GPATCH2: variants seen among roughly 807,000 people sequenced by gnomAD.
The protein encoded by GPATCH2 is G-patch domain containing 2, also known as G patch domain-containing protein 2.
In GPATCH2, 51 loss-of-function variants were observed where a neutral mutation model predicts 58.0. The observed-to-expected ratio is 0.88, with a 90% CI of 0.70 to 1.11. GPATCH2 has a LOEUF of 1.11. Ranked by LOEUF, GPATCH2 falls within the 50% of genes most tolerant of loss-of-function variation. The probability of loss-of-function intolerance (pLI) is 0.00; values close to 1 mark genes in which losing one functional copy is unlikely to be tolerated. For missense variants in GPATCH2, 625 were observed against 652.2 expected, an observed-to-expected ratio of 0.96 and a Z score of 0.45; for synonymous variants, 222 against 218.5, an observed-to-expected ratio of 1.02 and a Z score of -0.14.
intron 2 of GPATCH2, among the ~76,000 whole-genome samples, chr1:217,614,541 C>T (rs1668790542): frequency 6.6e-6 from 1 of 151,946 alleles, no homozygotes; most frequent in African/African-American, 2.4e-5. Flanking sequence ...CAGCTTGAGC[C>T]TGGAACACCA....
intron 5 of GPATCH2, among the ~76,000 whole-genome samples, chr1:217,522,651 T>C (rs1473287808): frequency 6.6e-6 from 1 of 152,200 alleles, no homozygotes; most frequent in African/African-American, 2.4e-5. Context: ...TAAGATGGTG[T>C]AAAAAACTTC....
At chr1:217,497,563 C>T (rs951656077) in intron 7 of GPATCH2, among the ~76,000 whole-genome samples, 1 of 152,086 alleles carries the variant, frequency 6.6e-6, no homozygotes, top group South Asian at 2.1e-4. Flanking sequence ...CCCAAGAAAT[C>T]AAACATTATA....
At position 217,431,326 on chromosome 1, in the gene GPATCH2, T is replaced by G; in HGVS notation, c.1406A>C (p.Asn469Thr). 6.2e-7 allele frequency: 1 copy of G among 1,608,700 alleles called. No individual in the cohort carries two copies. ...ATTCTGAAGCATTCGGTTTCCAATA[T>G]TATTTTCTAGGATTGGCTGGGCATT... Reference protein sequence around the residue: ...GENAQPILENNIGNRMLQNMG... With the variant: ...GENAQPILENTIGNRMLQNMG... The change falls in exon 10 of 10, where the codon AAT becomes ACT. Residue 469 changes from asparagine (N) to threonine (T), a missense_variant. Asn to Thr is a moderately conservative substitution (Grantham distance 65). Transcript: ENST00000366935.
rs1177781922 is a variant in GPATCH2, at chr1:217,431,304, C to G, written c.1428G>C (p.Gln476His). The change falls in exon 10 of 10, where the codon CAG becomes CAC. Residue 476 changes from glutamine (Q) to histidine (H), a missense_variant. Gln to His is a conservative substitution (Grantham distance 24). Coordinates refer to ENST00000366935, the MANE Select transcript of GPATCH2 (RefSeq NM_018040.5). ...CTGACCCAGGCGTCCAGCCCATATT[C>G]TGAAGCATTCGGTTTCCAATATTAT... ...LENNIGNRML[Q>H]NMGWTPGSGL... is the part of the protein sequence containing the mutation. 2 of 1,609,882 alleles carry G rather than the reference C, an allele frequency of 1.2e-6. No individual in the cohort carries two copies. Among genetic ancestry groups the G allele is most frequent in the Admixed American group, 3.3e-5 (2 of 60,010 alleles).
At chr1:217,566,176 C>T (rs1666226410) in intron 5 of GPATCH2, among the ~76,000 whole-genome samples, 1 of 150,586 alleles carries the variant, frequency 6.6e-6, no homozygotes, top group Non-Finnish European at 1.5e-5. Context: ...GCAATTTTTA[C>T]CACAGCATTC....
chr1:217,559,860 C>A (rs960266872), intron 5 of GPATCH2, among the ~76,000 whole-genome samples: 1 of 151,154 alleles, frequency 6.6e-6, no homozygotes, highest in Non-Finnish European at 1.5e-5. Flanking sequence ...TCAAGAGACA[C>A]AAAAATCCAG....
intron 5 of GPATCH2, among the ~76,000 whole-genome samples, chr1:217,518,466 G>T (rs1488759499): frequency 1.3e-5 from 2 of 152,022 alleles, no homozygotes; most frequent in Non-Finnish European, 2.9e-5. Context: ...TTATAATTTT[G>T]CTTAAAAGAT....
At chr1:217,630,731 T>A (rs1357464797) in intron 1 of GPATCH2, among the ~76,000 whole-genome samples, 185 bp downstream of exon 1, 1 of 152,200 alleles carries the variant, frequency 6.6e-6, no homozygotes, top group Admixed American at 6.5e-5. Flanking sequence ...CTTTCACAAA[T>A]CTTTGGCACA....
chr1:217,587,517 A>C (rs1667396702), intron 5 of GPATCH2, among the ~76,000 whole-genome samples: 1 of 152,218 alleles, frequency 6.6e-6, no homozygotes, highest in Non-Finnish European at 1.5e-5. Context: ...GAACCAATGA[A>C]AATTTTTGAG....
rs199645068 is a variant in GPATCH2, at chr1:217,491,664, A to G, written c.1277+16T>C. ...AAAGAAAATGAATGAATAAAAAGCG[A>G]TTTTGAATTGCTTACCTGCTGGCTG... On this transcript the variant is annotated intron_variant, in intron 8 of 9. Coordinates refer to ENST00000366935, the MANE Select transcript of GPATCH2 (RefSeq NM_018040.5). 74 of 1,307,412 alleles carry G rather than the reference A, an allele frequency of 5.7e-5. No homozygotes were observed. The East Asian group carries it at 1.8e-3, about 31-fold the overall frequency. 81.0% of individuals were successfully genotyped at this position (1,307,412 alleles called of 1,614,324 possible).
At chr1:217,580,967 C>A (rs1300617151) in intron 5 of GPATCH2, among the ~76,000 whole-genome samples, 1 of 39,724 alleles carries the variant, frequency 2.5e-5, no homozygotes, top group Admixed American at 3.5e-4. Context: ...CGAGATTGCG[C>A]CACTGCAGTC....
chr1:217,482,786 C>A (rs752396539), intron 8 of GPATCH2, among the ~76,000 whole-genome samples: 16 of 152,228 alleles, frequency 1.1e-4, no homozygotes, highest in African/African-American at 3.6e-4. Context: ...TTAAAGTATA[C>A]AATTTGATAA....
At chr1:217,437,121 T>C (rs1423174174) in intron 9 of GPATCH2, among the ~76,000 whole-genome samples, 3 of 152,068 alleles carry the variant, frequency 2.0e-5, no homozygotes, top group Non-Finnish European at 1.5e-5. Flanking sequence ...ACCCAGGAAG[T>C]GCAAGTGGTG....
chr1:217,565,602 T>C (rs1285808555), intron 5 of GPATCH2, among the ~76,000 whole-genome samples: 1 of 152,234 alleles, frequency 6.6e-6, no homozygotes, highest in East Asian at 1.9e-4. Context: ...TTTAACACTG[T>C]AAACTGGCAA....
At chr1:217,453,284 C>A (rs1156275058) in intron 8 of GPATCH2, among the ~76,000 whole-genome samples, 1 of 152,002 alleles carries the variant, frequency 6.6e-6, no homozygotes, top group African/African-American at 2.4e-5. Flanking sequence ...ATATTAAGAT[C>A]CTTTTGTAAG....
intron 8 of GPATCH2, among the ~76,000 whole-genome samples, chr1:217,464,170 G>A (rs1308206396): frequency 4.6e-5 from 7 of 152,196 alleles, no homozygotes; most frequent in Non-Finnish European, 8.8e-5. Flanking sequence ...AGTACTCTGC[G>A]AATATGGTGG....
At chr1:217,533,695 T>C (rs1256666781) in intron 5 of GPATCH2, among the ~76,000 whole-genome samples, 1 of 152,252 alleles carries the variant, frequency 6.6e-6, no homozygotes, top group Non-Finnish European at 1.5e-5. Context: ...ATGTTTTCTC[T>C]TGATATTTAC....
At chr1:217,500,749 T>C (rs1662256867) in intron 6 of GPATCH2, among the ~76,000 whole-genome samples, 1 of 152,052 alleles carries the variant, frequency 6.6e-6, no homozygotes. Context: ...AATTAGTTTT[T>C]GTTTTTTTTC....
chr1:217,565,548 C>T (rs1666181402), intron 5 of GPATCH2, among the ~76,000 whole-genome samples: 1 of 152,174 alleles, frequency 6.6e-6, no homozygotes, highest in East Asian at 1.9e-4. Flanking sequence ...GGAAAACATA[C>T]ATATGCATGC....
Sources: gnomAD v4.1 joint callset for allele counts (sites outside exome capture counted in the v4.1 genomes callset) on GRCh38, gnomAD v4.1.1 for gene constraint, MANE v1.5 for transcripts, NCBI Gene and HGNC (gene_info 2026-07-23, HGNC 2026-07-21) for gene names.